FAM171B: variants seen among roughly 807,000 people sequenced by gnomAD.
The protein encoded by FAM171B is protein FAM171B.
FAM171B carries 19 observed loss-of-function variants against 75.6 expected under a neutral mutation model. That is an observed-to-expected ratio of 0.25 (90% CI 0.18 to 0.37). The LOEUF (loss-of-function observed/expected upper bound fraction) is 0.37. FAM171B is among the 10% of genes least tolerant of loss of function. The pLI, the probability that FAM171B is intolerant of heterozygous loss-of-function variation, is 1.00. For synonymous variants in FAM171B, 367 were observed against 361.7 expected, an observed-to-expected ratio of 1.01 and a Z score of -0.17; for missense variants, 848 against 982.4, an observed-to-expected ratio of 0.86 and a Z score of 1.83.
chr2:186,715,770 A>G (rs761095338), intron 1 of FAM171B, among the ~76,000 whole-genome samples: 3 of 152,154 alleles, frequency 2.0e-5, no homozygotes, highest in African/African-American at 7.2e-5. Flanking sequence ...TTGTCTCTAG[A>G]TAGAGGTGTA....
At chr2:186,739,876 G>T (rs1044477747) in intron 1 of FAM171B, among the ~76,000 whole-genome samples, 2 of 152,110 alleles carry the variant, frequency 1.3e-5, no homozygotes, top group African/African-American at 4.8e-5. Context: ...GCACAGGTTT[G>T]TTTACACCAG....
chr2:186,721,795 C>G (rs192330456), intron 1 of FAM171B, among the ~76,000 whole-genome samples: 1 of 151,750 alleles, frequency 6.6e-6, no homozygotes, highest in Non-Finnish European at 1.5e-5. Context: ...CTGCACAAAA[C>G]AAAGGCTCTA....
At chr2:186,720,068 C>A (rs554520381) in intron 1 of FAM171B, among the ~76,000 whole-genome samples, 1 of 152,186 alleles carries the variant, frequency 6.6e-6, no homozygotes, top group Non-Finnish European at 1.5e-5. Flanking sequence ...GACGGAGTCT[C>A]GCTCTGTCGC....
At chr2:186,742,694 C>T (rs1478546627) in intron 2 of FAM171B, among the ~76,000 whole-genome samples, 1 of 152,154 alleles carries the variant, frequency 6.6e-6, no homozygotes, top group Non-Finnish European at 1.5e-5. Flanking sequence ...AGAACTCGTG[C>T]TTTGGGAGCT....
chr2:186,728,353 T>C (rs1690064617), intron 1 of FAM171B, among the ~76,000 whole-genome samples: 1 of 152,246 alleles, frequency 6.6e-6, no homozygotes, highest in Admixed American at 6.5e-5. Context: ...TGTATTTTTC[T>C]TCACGTGTTG....
At chr2:186,705,727 T>TG (rs1195578066) in intron 1 of FAM171B, among the ~76,000 whole-genome samples, 1 of 152,074 alleles carries the variant, frequency 6.6e-6, no homozygotes, top group Non-Finnish European at 1.5e-5. Context: ...ATGGGTAAAA[T>TG]TAGCAAGCAT....
At chr2:186,720,453 C>G (rs1689935835) in intron 1 of FAM171B, among the ~76,000 whole-genome samples, 1 of 152,108 alleles carries the variant, frequency 6.6e-6, no homozygotes, top group African/African-American at 2.4e-5. Flanking sequence ...CAGAATGGCT[C>G]CTACTGATAC....
chr2:186,700,076 G>GT (rs34293772), intron 1 of FAM171B, among the ~76,000 whole-genome samples: 46,768 of 147,472 alleles, frequency 0.32, 7,832 homozygotes, highest in Non-Finnish European at 0.39. Flanking sequence ...CAATTTTGTT[G>GT]TTTTTTTTTT....
chr2:186,700,912 ACTTCT>A (rs1245833193), intron 1 of FAM171B, among the ~76,000 whole-genome samples: 1 of 151,846 alleles, frequency 6.6e-6, no homozygotes, highest in Non-Finnish European at 1.5e-5. Flanking sequence ...AATAATTTAA[ACTTCT>A]CTTTAACTTT....
intron 3 of FAM171B, among the ~76,000 whole-genome samples, chr2:186,743,921 A>G (rs1224521158): frequency 6.6e-6 from 1 of 152,182 alleles, no homozygotes; most frequent in Non-Finnish European, 1.5e-5. Flanking sequence ...CTTTGGGGCT[A>G]ATTTACAGAT....
chr2:186,711,381 C>T (rs959529157), intron 1 of FAM171B, among the ~76,000 whole-genome samples: 3 of 152,162 alleles, frequency 2.0e-5, no homozygotes, highest in Non-Finnish European at 4.4e-5. Flanking sequence ...TGGCTGTCTG[C>T]TACTTCTTCC....
At chr2:186,753,195 C>A (rs935102012) in intron 5 of FAM171B, among the ~76,000 whole-genome samples, 11 of 152,088 alleles carry the variant, frequency 7.2e-5, no homozygotes, top group African/African-American at 2.4e-4. Context: ...GTCACCCAGG[C>A]TGGAGTGCAG....
At chr2:186,753,485 C>T (rs1690486689) in intron 5 of FAM171B, among the ~76,000 whole-genome samples, 1 of 152,110 alleles carries the variant, frequency 6.6e-6, no homozygotes, top group Admixed American at 6.6e-5. Flanking sequence ...TTCATGAATT[C>T]CATGATTAAG....
chr2:186,696,581 C>T (rs1257657968), intron 1 of FAM171B, among the ~76,000 whole-genome samples: 1 of 148,314 alleles, frequency 6.7e-6, no homozygotes. Flanking sequence ...CCTTTGTATC[C>T]TCCTTTTCCT....
At chr2:186,751,008 A>G in intron 4 of FAM171B, 126 bp from the exon 5 acceptor site, 1 of 646,174 alleles carries the variant, frequency 1.5e-6, no homozygotes, top group Non-Finnish European at 2.5e-6. Context: ...TGTATTCAGT[A>G]TCTATTTGAT....
chr2:186,762,075 A>G lies in FAM171B; in HGVS notation c.1733A>G (p.Asn578Ser), dbSNP rs765905389. The G allele has an allele frequency of 9.9e-6, 16 of 1,613,744 alleles. No individual in the cohort carries two copies. Among genetic ancestry groups the G allele is most frequent in the Non-Finnish European group, 1.4e-5 (16 of 1,179,804 alleles). ...LVYGQLMEPV[N>S]RENFTQTLPK... ...TATGGCCAATTGATGGAACCAGTAA[A>G]TCGAGAGAACTTTACGCAGACCTTG... The change falls in exon 8 of 8, where the codon AAT becomes AGT. Residue 578 changes from asparagine (N) to serine (S), a missense_variant. Physicochemically the swap from Asn to Ser is conservative, Grantham distance 46. Around this residue, in one of 3 missense-constraint regions of FAM171B, gnomAD observed 665 missense variants for 729.0 expected, o/e 0.91. Coordinates refer to ENST00000304698, the MANE Select transcript of FAM171B (RefSeq NM_177454.4). The surrounding 1 kb of genome is among the most constrained non-coding windows in gnomAD (Gnocchi z 4.0).
intron 1 of FAM171B, among the ~76,000 whole-genome samples, chr2:186,719,663 G>A (rs1227263662): frequency 6.6e-6 from 1 of 152,188 alleles, no homozygotes; most frequent in African/African-American, 2.4e-5. Context: ...GCGGAGACAG[G>A]AGCAGTCACA....
intron 1 of FAM171B, among the ~76,000 whole-genome samples, chr2:186,700,858 A>C (rs891597239): frequency 1.3e-5 from 2 of 152,184 alleles, no homozygotes. Flanking sequence ...TACTTTAAAA[A>C]TAATGAAATT....
At chr2:186,700,394 C>A (rs1044500940) in intron 1 of FAM171B, among the ~76,000 whole-genome samples, 1 of 152,002 alleles carries the variant, frequency 6.6e-6, no homozygotes, top group Non-Finnish European at 1.5e-5. Flanking sequence ...TCTTCATAGC[C>A]CCTTCCCAGG....
Sources: gnomAD v4.1 joint callset for allele counts (sites outside exome capture counted in the v4.1 genomes callset) on GRCh38, gnomAD v4.1.1 for gene constraint, gnomAD v4.1.1 regional missense constraint, Gnocchi (gnomAD v3.1) non-coding constraint, MANE v1.5 for transcripts, NCBI Gene and HGNC (gene_info 2026-07-23, HGNC 2026-07-21) for gene names.